Variants in CCDC60 observed in about 807,000 individuals in gnomAD.
The protein encoded by CCDC60 is coiled-coil domain containing 60.
In CCDC60, 54 loss-of-function variants were observed where a neutral mutation model predicts 63.5. That is an observed-to-expected ratio of 0.85 (90% CI 0.68 to 1.07). The LOEUF is 1.07. Among genes scored for constraint, CCDC60 ranks in the 50% least tolerant of loss-of-function variants. The pLI is 0.00. For missense variants in CCDC60, 651 were observed against 684.3 expected (o/e 0.95, Z 0.54); for synonymous variants, 206 against 238.8 (o/e 0.86, Z 1.27).
At chr12:119,401,722 T>C (rs528363487) in intron 1 of CCDC60, among the ~76,000 whole-genome samples, 2 of 152,370 alleles carry the variant, frequency 1.3e-5, no homozygotes, top group East Asian at 1.9e-4. Context: ...ATGGATATCA[T>C]ACAAATATTC....
intron 6 of CCDC60, among the ~76,000 whole-genome samples, chr12:119,503,366 G>T (rs1400035473): frequency 1.3e-5 from 2 of 152,150 alleles, no homozygotes; most frequent in Admixed American, 1.3e-4. Context: ...CTCTTGACCA[G>T]TTGCAGTGTC....
intron 7 of CCDC60, among the ~76,000 whole-genome samples, chr12:119,508,006 T>A (rs1952101626): frequency 6.6e-6 from 1 of 151,862 alleles, no homozygotes; most frequent in African/African-American, 2.4e-5. Context: ...CATCTCTACA[T>A]GGAAAATTTT....
chr12:119,408,499 G>A (rs1032103956), intron 1 of CCDC60, among the ~76,000 whole-genome samples: 1 of 152,160 alleles, frequency 6.6e-6, no homozygotes, highest in African/African-American at 2.4e-5. Context: ...TTAGGCTGGT[G>A]CAAACGTAGT....
intron 1 of CCDC60, among the ~76,000 whole-genome samples, chr12:119,360,430 G>T (rs1292014181): frequency 1.3e-5 from 2 of 151,428 alleles, no homozygotes; most frequent in Non-Finnish European, 1.5e-5. Context: ...TGGCTGCCGG[G>T]CGGAGACGCT....
At chr12:119,361,841 G>A (rs558062210) in intron 1 of CCDC60, among the ~76,000 whole-genome samples, 1 of 152,310 alleles carries the variant, frequency 6.6e-6, no homozygotes, top group Admixed American at 6.5e-5. Context: ...GGAATATTAT[G>A]CAGCCACTAA....
rs556783132 is a variant in CCDC60, at chr12:119,418,386, C to CTTTTTTTTTTTTTT, written c.91-10264_91-10251dup. Among the ~76,000 whole-genome samples the CTTTTTTTTTTTTTT allele has an allele frequency of 4.5e-3, 298 of 65,698 alleles. 34 individuals carry two copies. The highest frequency in any genetic ancestry group is 6.9e-3 in the Non-Finnish European group (258 of 37,200). The allele number at this position is 65,698 out of a possible 152,430, so 43.1% of individuals were successfully genotyped here. A position where few individuals can be genotyped will look rare whatever the true frequency, so the allele number is the denominator to read the frequency against. On this transcript the variant is annotated intron_variant, in intron 1 of 13. Transcript: ENST00000327554. ...TCTTTCTTTTTCCTTTTCTTTCTTT[C>CTTTTTTTTTTTTTT]TTTTTTTTTTTTTTTTTTTTTTTTT...
intron 13 of CCDC60, among the ~76,000 whole-genome samples, chr12:119,531,969 A>G (rs561007851): frequency 4.0e-4 from 61 of 152,362 alleles, no homozygotes; most frequent in African/African-American, 1.4e-3. Flanking sequence ...CTCCTGGTAA[A>G]GAAGTGACTC....
At position 119,354,157 on chromosome 12, in the gene CCDC60, C is replaced by T. The variant is rs544416184; in HGVS notation, c.90+18891C>T. Among the ~76,000 whole-genome samples the T allele has an allele frequency of 1.8e-4, 27 of 152,130 alleles. No homozygotes were observed. The South Asian group carries it at 4.8e-3, about 27-fold the overall frequency. On this transcript the variant is annotated intron_variant, in intron 1 of 13. Coordinates refer to ENST00000327554, the MANE Select transcript of CCDC60 (RefSeq NM_178499.5). ...GTCTACCCTCCATCATGACACCTAA[C>T]AATATTTCTTAGTTCTTCCTATGCT...
In CCDC60 at chr12:119,507,539, CACATATATATACAT is replaced by C. The variant is rs1389015558; in HGVS notation, c.883+2238_883+2251del. Among the ~76,000 whole-genome samples, 88 of 91,018 alleles carry C rather than the reference CACATATATATACAT, an allele frequency of 9.7e-4. 1 individual carries two copies. The highest frequency in any genetic ancestry group is 2.6e-3 in the African/African-American group (56 of 21,180). 59.7% of individuals were successfully genotyped at this position (91,018 alleles called of 152,430 possible). ...ATACATATATATACACATATATATA[CACATATATATACAT>C]ATATATATATATATATGTATATATA... is the stretch of plus-strand genomic sequence containing the variant. On this transcript the variant is annotated intron_variant, in intron 7 of 13. Transcript: ENST00000327554.
At chr12:119,399,366 C>T (rs1956345803) in intron 1 of CCDC60, among the ~76,000 whole-genome samples, 1 of 152,220 alleles carries the variant, frequency 6.6e-6, no homozygotes, top group South Asian at 2.1e-4. Context: ...GCCAAGGTTT[C>T]CCTTGCCCTC....
intron 2 of CCDC60, among the ~76,000 whole-genome samples, chr12:119,457,435 C>T (rs1451783776): frequency 2.0e-5 from 3 of 152,136 alleles, no homozygotes; most frequent in Non-Finnish European, 4.4e-5. Context: ...GCAAATTTCC[C>T]ATTGTTGGGC....
chr12:119,426,387 C>T (rs1308040675), intron 1 of CCDC60, among the ~76,000 whole-genome samples: 2 of 151,204 alleles, frequency 1.3e-5, no homozygotes, highest in African/African-American at 2.4e-5. Flanking sequence ...GAGAGGGTCT[C>T]GCTCTGTCAC....
intron 13 of CCDC60, among the ~76,000 whole-genome samples, chr12:119,540,261 G>A (rs1367777721): frequency 2.0e-5 from 3 of 152,104 alleles, no homozygotes; most frequent in African/African-American, 4.8e-5. Context: ...ATTCTGAAAC[G>A]GATTTACAAA....
intron 1 of CCDC60, among the ~76,000 whole-genome samples, chr12:119,348,171 C>A (rs1454419907): frequency 2.0e-5 from 3 of 152,166 alleles, no homozygotes; most frequent in Admixed American, 6.5e-5. Context: ...TTAAAAGAGG[C>A]TCCTCAAAAC....
In CCDC60 at chr12:119,456,492, G is replaced by A. The variant is rs1950752179; in HGVS notation, c.171-15502G>A. The stretch of plus-strand genomic sequence containing the variant: ...GTTTCTGCACTACAGTCCCTTCATG[G>A]TCACTAGAAAGATGTTACATGAAAG... On this transcript the variant is annotated intron_variant, in intron 2 of 13. Coordinates refer to ENST00000327554, the MANE Select transcript of CCDC60 (RefSeq NM_178499.5). The surrounding 1 kb of genome is among the most constrained non-coding windows in gnomAD (Gnocchi z 4.6). 6.6e-6 allele frequency among the ~76,000 whole-genome samples: 1 copy of A among 152,130 alleles called. No homozygotes were observed. The highest frequency in any genetic ancestry group is 6.5e-5 in the Admixed American group (1 of 15,276).
At chr12:119,512,520 C>A (rs1952240758) in intron 7 of CCDC60, among the ~76,000 whole-genome samples, 1 of 152,186 alleles carries the variant, frequency 6.6e-6, no homozygotes, top group Non-Finnish European at 1.5e-5. Flanking sequence ...GGACAGTGTG[C>A]TGCAGGAGTC....
At chr12:119,370,463 G>A (rs1955886190) in intron 1 of CCDC60, among the ~76,000 whole-genome samples, 1 of 152,176 alleles carries the variant, frequency 6.6e-6, no homozygotes, top group African/African-American at 2.4e-5. Flanking sequence ...TCATTTGCAA[G>A]GCAACAATCC....
chr12:119,383,830 G>A (rs1017692694), intron 1 of CCDC60, among the ~76,000 whole-genome samples: 3 of 152,184 alleles, frequency 2.0e-5, no homozygotes, highest in East Asian at 3.9e-4. Flanking sequence ...ATGGGTGAGC[G>A]TGTTATAAGC....
At chr12:119,400,492 G>A (rs545342164) in intron 1 of CCDC60, among the ~76,000 whole-genome samples, 7 of 152,374 alleles carry the variant, frequency 4.6e-5, no homozygotes, top group South Asian at 2.1e-4. Flanking sequence ...CACCTACTGT[G>A]TGATAGTCTT....
Sources: allele counts gnomAD v4.1 joint callset (sites outside exome capture counted in the v4.1 genomes callset), GRCh38; gene constraint gnomAD v4.1.1; non-coding constraint Gnocchi (gnomAD v3.1); transcripts MANE v1.5; gene names NCBI Gene and HGNC (gene_info 2026-07-23, HGNC 2026-07-21).